TBC1D14: variants seen among roughly 807,000 people sequenced by gnomAD.
TBC1D14 encodes TBC1 domain family member 14.
Under a neutral mutation model 79.0 loss-of-function variants are expected in TBC1D14, and 26 were observed. The observed-to-expected ratio is 0.33, with a 90% CI of 0.24 to 0.46. The LOEUF (loss-of-function observed/expected upper bound fraction) is 0.46. TBC1D14 is among the 20% of genes least tolerant of loss of function. The probability of loss-of-function intolerance (pLI) is 1.00; values close to 1 mark genes in which losing one functional copy is unlikely to be tolerated. For synonymous variants in TBC1D14, 394 were observed against 349.9 expected (o/e 1.13, Z -1.40); for missense variants, 769 against 887.6 (o/e 0.87, Z 1.70).
At chr4:6,986,437 A>G (rs1717831628) in intron 3 of TBC1D14, among the ~76,000 whole-genome samples, 1 of 152,236 alleles carries the variant, frequency 6.6e-6, no homozygotes, top group South Asian at 2.1e-4. Context: ...CAGCTTCTCT[A>G]AGTCTTTGCT....
chr4:6,950,572 T>C (rs1415356747), intron 2 of TBC1D14, among the ~76,000 whole-genome samples: 7 of 66,942 alleles, frequency 1.0e-4, no homozygotes, highest in Non-Finnish European at 2.1e-4. Context: ...TTACTCTTTA[T>C]TAGATACCTT....
At chr4:7,007,406 CGTT>C (rs1037605399) in intron 9 of TBC1D14, 1 of 504,746 alleles carries the variant, frequency 2.0e-6, no homozygotes, top group African/African-American at 2.0e-5. Flanking sequence ...AGCCAGCAGA[CGTT>C]AATCTGGGGA....
chr4:6,966,871 A>G (rs748387553), intron 2 of TBC1D14, among the ~76,000 whole-genome samples: 12 of 152,208 alleles, frequency 7.9e-5, no homozygotes, highest in African/African-American at 1.2e-4. Context: ...GTGCAGTGGC[A>G]CGATCTCAGC....
At chr4:6,940,610 C>T (rs369249699) in intron 2 of TBC1D14, among the ~76,000 whole-genome samples, 8 of 151,706 alleles carry the variant, frequency 5.3e-5, no homozygotes, top group African/African-American at 7.3e-5. Flanking sequence ...TGGGAGATGA[C>T]GGGGGTGGGG....
At chr4:6,924,445 G>A (rs1724120742) in intron 2 of TBC1D14, among the ~76,000 whole-genome samples, 1 of 152,138 alleles carries the variant, frequency 6.6e-6, no homozygotes. Context: ...AACGTTTCTT[G>A]GGCCAAGCAG....
chr4:7,014,646 G>C, intron 12 of TBC1D14, 89 bp downstream of exon 12: 1 of 891,620 alleles, frequency 1.1e-6, no homozygotes, highest in East Asian at 2.6e-5. Context: ...TTCATGGCCC[G>C]GCTGAGTCCT....
intron 1 of TBC1D14, among the ~76,000 whole-genome samples, chr4:6,913,261 C>T (rs1723143694): frequency 6.6e-6 from 1 of 152,238 alleles, no homozygotes; most frequent in Admixed American, 6.5e-5. Context: ...TCCCAAAGTG[C>T]TGGGATTACA....
At position 7,010,776 on chromosome 4, in the gene TBC1D14, G is replaced by A. The variant is rs1381359918; in HGVS notation, c.1642G>A (p.Gly548Ser). The A allele has an allele frequency of 6.2e-7, 1 of 1,613,654 alleles. No homozygotes were observed. Among genetic ancestry groups the A allele is most frequent in the African/African-American group, 1.3e-5 (1 of 74,956 alleles). The change falls in exon 11 of 14, where the codon GGC becomes AGC. Residue 548 changes from glycine (G) to serine (S), a missense_variant. Gly to Ser is a moderately conservative substitution (Grantham distance 56). This residue lies in a region of TBC1D14 where 367 missense variants were observed against 494.4 expected (regional missense o/e 0.74). Transcript: ENST00000409757. The part of the protein sequence containing the change: ...CQMAFFRVDH[G>S]LMLTYFAAFE... Reference sequence around the variant, plus strand: ...AATGGCGTTTTTTAGAGTGGACCATGGCCTTGTGAGTATCCTCTGTGTTCG... The same window carrying A: ...AATGGCGTTTTTTAGAGTGGACCATAGCCTTGTGAGTATCCTCTGTGTTCG...
chr4:6,944,675 G>A (rs540852351), intron 2 of TBC1D14, among the ~76,000 whole-genome samples: 18 of 152,314 alleles, frequency 1.2e-4, no homozygotes, highest in African/African-American at 4.1e-4. Flanking sequence ...TGTAAATTGA[G>A]GCGTAGGAAA....
intron 12 of TBC1D14, among the ~76,000 whole-genome samples, chr4:7,024,491 C>G (rs1722145040): frequency 6.6e-6 from 1 of 152,150 alleles, no homozygotes; most frequent in Admixed American, 6.5e-5. Context: ...CCGGACAGGG[C>G]ACTAGATGTG....
At chr4:6,951,740 G>A (rs1714062123) in intron 2 of TBC1D14, among the ~76,000 whole-genome samples, 2 of 152,220 alleles carry the variant, frequency 1.3e-5, no homozygotes, top group Non-Finnish European at 2.9e-5. Context: ...GAGAGGGCTA[G>A]TGAAAGGTCT....
At chr4:7,024,150 A>T (rs1722103272) in intron 12 of TBC1D14, among the ~76,000 whole-genome samples, 1 of 152,164 alleles carries the variant, frequency 6.6e-6, no homozygotes. Flanking sequence ...GAGCAGGTTG[A>T]CCAGTGTGCG....
intron 6 of TBC1D14, 98 bp from the exon 7 acceptor site, chr4:7,001,047 G>C (rs73799050): frequency 2.2e-6 from 2 of 927,458 alleles, no homozygotes; most frequent in African/African-American, 1.6e-5. Flanking sequence ...CTGATGCAAC[G>C]GTGCATCCCA....
In TBC1D14 at chr4:7,015,709, G is replaced by A. The variant is rs549055594; in HGVS notation, c.1757+1152G>A. On this transcript the variant is annotated intron_variant, in intron 12 of 13. Coordinates refer to ENST00000409757, the MANE Select transcript of TBC1D14 (RefSeq NM_020773.3). ...ACATGGTGGGAAGAGGGTGCCTCCG[G>A]GATCCAGCAGCCCCAGCCCAAACCC... is the stretch of plus-strand genomic sequence containing the variant. 5.3e-5 allele frequency among the ~76,000 whole-genome samples: 8 copies of A among 151,994 alleles called. No homozygotes were observed. The East Asian group carries it at 9.7e-4, about 18-fold the overall frequency.
intron 3 of TBC1D14, among the ~76,000 whole-genome samples, chr4:6,989,737 A>G (rs914318058): frequency 6.6e-6 from 1 of 151,780 alleles, no homozygotes; most frequent in Non-Finnish European, 1.5e-5. Context: ...CTTGCCCTGC[A>G]TGCTGAGTCT....
chr4:7,007,550 G>T, intron 9 of TBC1D14: 1 of 1,289,338 alleles, frequency 7.8e-7, no homozygotes, highest in Non-Finnish European at 1.0e-6. Flanking sequence ...ATTTCCGTGT[G>T]GGTCTTCAGA....
In TBC1D14 at chr4:6,996,367, A is replaced by G; in HGVS notation, c.1005A>G (p.Arg335=). The part of the protein sequence containing the change: ...AKPAEEAQKH[R]QQYEEMVVQA... ...CAGCTGAAGAAGCTCAGAAGCACAG[A>G]CAGCAGTATGAAGAAATGGTGGTTC... The change falls in exon 5 of 14, where the codon AGA becomes AGG. Residue 335 remains arginine (R), a synonymous_variant. Transcript: ENST00000409757. 6.2e-7 allele frequency: 1 copy of G among 1,613,980 alleles called. No homozygotes were observed. The highest frequency in any genetic ancestry group is 8.5e-7 in the Non-Finnish European group (1 of 1,179,880).
At chr4:6,989,624 C>G (rs1050686701) in intron 3 of TBC1D14, among the ~76,000 whole-genome samples, 2 of 152,208 alleles carry the variant, frequency 1.3e-5, no homozygotes, top group African/African-American at 2.4e-5. Context: ...TTGCCCCTGT[C>G]GAGTGAGCCC....
intron 3 of TBC1D14, among the ~76,000 whole-genome samples, chr4:6,978,791 GA>G (rs1717089582): frequency 6.6e-6 from 1 of 150,432 alleles, no homozygotes; most frequent in Non-Finnish European, 1.5e-5. Flanking sequence ...AAATTATCAT[GA>G]AAAGAATCTA....
Sources: gnomAD v4.1 joint callset for allele counts (sites outside exome capture counted in the v4.1 genomes callset) on GRCh38, gnomAD v4.1.1 for gene constraint, gnomAD v4.1.1 regional missense constraint, MANE v1.5 for transcripts, NCBI Gene and HGNC (gene_info 2026-07-23, HGNC 2026-07-21) for gene names.